CCDC192: variants seen among roughly 807,000 people sequenced by gnomAD.
The protein encoded by CCDC192 is coiled-coil domain containing 192, also known as coiled-coil domain-containing protein 192.
At chr5:127,805,800 T>C (rs1296535541) in intron 5 of CCDC192, among the ~76,000 whole-genome samples, 2 of 152,246 alleles carry the variant, frequency 1.3e-5, no homozygotes, top group Non-Finnish European at 2.9e-5. Context: ...TTAGATTATC[T>C]GCACTGGATG....
chr5:127,703,172 TCCA>T (rs1464450190), upstream of CCDC192, among the ~76,000 whole-genome samples: 1 of 152,228 alleles, frequency 6.6e-6, no homozygotes, highest in Non-Finnish European at 1.5e-5. Context: ...CTGTTTCTGT[TCCA>T]CTTTGAATGA....
chr5:127,743,799 A>T (rs924383676), intron 2 of CCDC192, among the ~76,000 whole-genome samples: 1 of 152,094 alleles, frequency 6.6e-6, no homozygotes, highest in South Asian at 2.1e-4. Flanking sequence ...AGTATAAGAA[A>T]CTATTGCAGG....
chr5:127,777,723 C>T lies in CCDC192; in HGVS notation c.223-19380C>T, dbSNP rs555792942. On this transcript the variant is annotated intron_variant, in intron 3 of 6. Coordinates refer to ENST00000514853, the MANE Select transcript of CCDC192 (RefSeq NM_001317938.2). ...ATAAGGGCCATTCCCCCATACTGTT[C>T]TTGTGATAGAGAATAAGTCACAAGA... Among the ~76,000 whole-genome samples the T allele has an allele frequency of 2.0e-5, 3 of 152,246 alleles. No homozygotes were observed. The South Asian group carries it at 6.2e-4, about 32-fold the overall frequency.
At chr5:127,798,026 T>C in intron 4 of CCDC192, 80 bp from the exon 5 acceptor site, 1 of 396,284 alleles carries the variant, frequency 2.5e-6, no homozygotes, top group Non-Finnish European at 4.5e-6. Context: ...TGAAAACTGA[T>C]ACACATTTAT....
intron 3 of CCDC192, among the ~76,000 whole-genome samples, chr5:127,773,125 G>T (rs1287734695): frequency 6.6e-6 from 1 of 152,202 alleles, no homozygotes; most frequent in African/African-American, 2.4e-5. Context: ...TCAGGGTATT[G>T]TGGAGTACCC....
At chr5:127,913,216 A>G (rs1753425794) in intron 6 of CCDC192, among the ~76,000 whole-genome samples, 1 of 152,238 alleles carries the variant, frequency 6.6e-6, no homozygotes, top group Admixed American at 6.5e-5. Flanking sequence ...ACTAAAGCCC[A>G]GAGAAGCTCC....
intron 5 of CCDC192, among the ~76,000 whole-genome samples, chr5:127,808,985 CA>C (rs1266240411): frequency 6.6e-6 from 1 of 151,772 alleles, no homozygotes; most frequent in African/African-American, 2.4e-5. Context: ...GCAAATCGTC[CA>C]AAAAAGATAC....
chr5:127,817,675 A>G (rs137883219), intron 5 of CCDC192, among the ~76,000 whole-genome samples: 1 of 152,326 alleles, frequency 6.6e-6, no homozygotes, highest in African/African-American at 2.4e-5. Flanking sequence ...TGTATTTATG[A>G]AATGTTCTGG....
intron 5 of CCDC192, among the ~76,000 whole-genome samples, chr5:127,865,491 G>A (rs1751570919): frequency 6.6e-6 from 1 of 151,686 alleles, no homozygotes; most frequent in Non-Finnish European, 1.5e-5. Flanking sequence ...TAGTGGTCAA[G>A]GACAGGTGCT....
chr5:127,801,250 A>G (rs1757493289), intron 5 of CCDC192, among the ~76,000 whole-genome samples: 1 of 152,170 alleles, frequency 6.6e-6, no homozygotes, highest in African/African-American at 2.4e-5. Flanking sequence ...GATGCTGAAG[A>G]TTAGGAAATA....
At chr5:127,877,360 T>C (rs2127137928) in intron 6 of CCDC192, among the ~76,000 whole-genome samples, 2 of 152,300 alleles carry the variant, frequency 1.3e-5, no homozygotes, top group African/African-American at 4.8e-5. Context: ...TGTGGATTTT[T>C]TTTTTAAACT....
intron 3 of CCDC192, among the ~76,000 whole-genome samples, chr5:127,781,913 C>T (rs1756249709): frequency 6.6e-6 from 1 of 152,084 alleles, no homozygotes; most frequent in South Asian, 2.1e-4. Context: ...TTATCTAGTT[C>T]CAGTTCTCAG....
At chr5:127,869,465 G>C (rs952584398) in intron 5 of CCDC192, among the ~76,000 whole-genome samples, 2 of 152,198 alleles carry the variant, frequency 1.3e-5, no homozygotes, top group Non-Finnish European at 2.9e-5. Flanking sequence ...GCAGGGGAGG[G>C]AACAGTGCCA....
intron 6 of CCDC192, among the ~76,000 whole-genome samples, chr5:127,929,203 G>A (rs1753950510): frequency 6.6e-6 from 1 of 152,168 alleles, no homozygotes; most frequent in Admixed American, 6.5e-5. Context: ...ATAAATGAAC[G>A]ACAAAAATAA....
chr5:127,796,257 T>G (rs1190598063), intron 3 of CCDC192, among the ~76,000 whole-genome samples: 3 of 152,332 alleles, frequency 2.0e-5, no homozygotes, highest in Middle Eastern at 3.4e-3. Context: ...GACAATTAAG[T>G]TTTCTCAAAA....
intron 2 of CCDC192, among the ~76,000 whole-genome samples, chr5:127,721,777 A>T (rs1337541054): frequency 6.6e-6 from 1 of 152,194 alleles, no homozygotes; most frequent in Non-Finnish European, 1.5e-5. Context: ...GGCCTCAGGA[A>T]ACTTGCAGTC....
chr5:127,760,937 G>A (rs1754886511), intron 3 of CCDC192, among the ~76,000 whole-genome samples: 1 of 151,726 alleles, frequency 6.6e-6, no homozygotes. Flanking sequence ...TGTATTTGAA[G>A]AAAGAAAATA....
chr5:127,708,126 C>G lies in CCDC192; in HGVS notation c.114+366C>G, dbSNP rs554960028. ...GTATGAGGAAATCCTGGAATTCACA[C>G]ACGAATGATATACATTGGGTACAAC... is the stretch of plus-strand genomic sequence containing the variant. On this transcript the variant is annotated intron_variant, in intron 2 of 6. Coordinates refer to ENST00000514853, the MANE Select transcript of CCDC192 (RefSeq NM_001317938.2). Among the ~76,000 whole-genome samples, 7 of 152,278 alleles carry G rather than the reference C, an allele frequency of 4.6e-5. No homozygotes were observed. In the South Asian group the frequency reaches 1.5e-3, roughly 32 times the overall value.
intron 2 of CCDC192, among the ~76,000 whole-genome samples, chr5:127,731,484 T>C (rs925178097): frequency 6.6e-6 from 1 of 152,048 alleles, no homozygotes; most frequent in Non-Finnish European, 1.5e-5. Flanking sequence ...TAAAATACCA[T>C]TGACATTCTT....
Sources: gnomAD v4.1 joint callset for allele counts (sites outside exome capture counted in the v4.1 genomes callset) on GRCh38, gnomAD v4.1.1 for gene constraint, MANE v1.5 for transcripts, NCBI Gene and HGNC (gene_info 2026-07-23, HGNC 2026-07-21) for gene names.